The following TAX1BP1 variants were observed in gnomAD, a reference collection of about 807,000 sequenced individuals.
TAX1BP1 encodes the protein Tax1 binding protein 1.
A neutral mutation model predicts 97.7 loss-of-function variants in TAX1BP1; 62 were observed. The ratio of observed to expected loss-of-function variants is 0.63; its 90% CI spans 0.52 to 0.78. The LOEUF is 0.78. TAX1BP1 is among the 30% of genes least tolerant of loss of function. TAX1BP1 has a pLI of 0.00. For synonymous variants in TAX1BP1, 340 were observed against 304.2 expected (o/e 1.12, Z -1.23); for missense variants, 867 against 916.1 (o/e 0.95, Z 0.69).
chr7:27,815,409 T>A (rs1790728698), intron 13 of TAX1BP1, among the ~76,000 whole-genome samples: 1 of 152,220 alleles, frequency 6.6e-6, no homozygotes, highest in South Asian at 2.1e-4. Context: ...TTTTCCCCTT[T>A]ATTAAAAGGT....
rs2299107 is a variant in TAX1BP1 at position 27,822,454 on chromosome 7, G to A, written c.2086-5284G>A. Among the ~76,000 whole-genome samples, 16 of 152,262 alleles carry A rather than the reference G, an allele frequency of 1.1e-4. No homozygotes were observed. In the East Asian group the frequency reaches 2.3e-3, roughly 22 times the overall value. On this transcript the variant is annotated intron_variant, in intron 15 of 16. Coordinates refer to ENST00000396319, the MANE Select transcript of TAX1BP1 (RefSeq NM_006024.7). ...ACCTAAACCTTTTGAAAAACTGCCCGATTGTTTTCCCCAGTGGCTGCATGA... is the reference window on the plus strand; with the variant it reads ...ACCTAAACCTTTTGAAAAACTGCCCAATTGTTTTCCCCAGTGGCTGCATGA...
At chr7:27,781,631 G>T (rs766253059) in intron 5 of TAX1BP1, among the ~76,000 whole-genome samples, 1 of 152,130 alleles carries the variant, frequency 6.6e-6, no homozygotes, top group Non-Finnish European at 1.5e-5. Flanking sequence ...AGTAGTGAGT[G>T]AATGTGAAGG....
Position 27,800,078 on chromosome 7 carries a change from G to C in TAX1BP1, c.1752G>C (p.Gln584His), listed in dbSNP as rs1403912616. The C allele has an allele frequency of 5.7e-6, 9 of 1,577,738 alleles. No homozygotes were observed. The highest frequency in any genetic ancestry group is 2.4e-5 in the South Asian group (2 of 83,748). The part of the protein sequence containing the change: ...ENVKLELAEV[Q>H]DNYKELKRSL... ...TAAAACTTGAACTAGCTGAAGTACA[G>C]GACAATTATAAAGTAAGTTTGGTAC... Residue 584 changes from glutamine to histidine, a missense_variant, in exon 13 of 17, where the codon CAG (glutamine) becomes CAC (histidine). Gln to His is a conservative substitution (Grantham distance 24). Transcript: ENST00000396319.
chr7:27,798,663 CAA>C (rs34078205), intron 12 of TAX1BP1, among the ~76,000 whole-genome samples: 14 of 72,256 alleles, frequency 1.9e-4, no homozygotes, highest in Admixed American at 3.3e-4. Context: ...GACTCTGTCT[CAA>C]AAAAAAAAAA....
chr7:27,814,373 G>T (rs1221858048), intron 13 of TAX1BP1, among the ~76,000 whole-genome samples: 3 of 151,852 alleles, frequency 2.0e-5, no homozygotes, highest in Admixed American at 2.0e-4. Flanking sequence ...GTGTTTCTGT[G>T]TACATTTTAG....
chr7:27,827,801 G>T lies in TAX1BP1; in HGVS notation c.2149G>T (p.Gly717Cys). 1 of 1,613,880 alleles carries T rather than the reference G, an allele frequency of 6.2e-7. No individual in the cohort carries two copies. The highest frequency in any genetic ancestry group is 8.5e-7 in the Non-Finnish European group (1 of 1,179,868). The change falls in exon 16 of 17, where the codon GGC (glycine) becomes TGC (cysteine). Residue 717 changes from glycine (G) to cysteine (C), a missense_variant. Around this residue, in one of 3 missense-constraint regions of TAX1BP1, gnomAD observed 822 missense variants for 851.4 expected, o/e 0.97. Coordinates refer to ENST00000396319, the MANE Select transcript of TAX1BP1 (RefSeq NM_006024.7). ...TCAACATTTACGTGGGCATGGGACA[G>T]GCTTTTGCTTTGATTCCAGGTAGTT... ...PSQHLRGHGT[G>C]FCFDSSFDVH...
At chr7:27,771,097 A>ATTTTTTTTTTTTTTTTTTTTTTT (rs57751582) in intron 5 of TAX1BP1, among the ~76,000 whole-genome samples, 1 of 40,570 alleles carries the variant, frequency 2.5e-5, no homozygotes, top group Non-Finnish European at 5.0e-5. Context: ...ACATTCAGCA[A>ATTTTTTTTTTTTTTTTTTTTTTT]TTTTTTTTTT....
Position 27,816,422 on chromosome 7 carries a change from T to A in TAX1BP1, c.1838T>A (p.Phe613Tyr), listed in dbSNP as rs751073831. 6.3e-7 allele frequency: 1 copy of A among 1,583,302 alleles called. No homozygotes were observed. ...CAGAATTCCCAGAGTCCTCAATGTTTCAAAACATGCTCAGAGCAAAATGGT... is the reference window on the plus strand; with the variant it reads ...CAGAATTCCCAGAGTCCTCAATGTTACAAAACATGCTCAGAGCAAAATGGT... ...EGQNSQSPQC[F>Y]KTCSEQNGYV... is the part of the protein sequence containing the mutation. Residue 613 changes from phenylalanine (F) to tyrosine (Y), a missense_variant, in exon 14 of 17, where the codon TTC becomes TAC. By Grantham distance (22) the Phe-to-Tyr change is conservative. Around this residue, in one of 3 missense-constraint regions of TAX1BP1, gnomAD observed 822 missense variants for 851.4 expected, o/e 0.97. Coordinates refer to ENST00000396319, the MANE Select transcript of TAX1BP1 (RefSeq NM_006024.7).
intron 15 of TAX1BP1, among the ~76,000 whole-genome samples, chr7:27,817,554 A>G (rs1264073227): frequency 6.6e-6 from 1 of 152,178 alleles, no homozygotes; most frequent in African/African-American, 2.4e-5. Flanking sequence ...GAGAAATACT[A>G]TTTGAGATGT....
chr7:27,828,583 C>A (rs574580283), intron 16 of TAX1BP1, 45 bp from the exon 17 acceptor site: 9 of 1,575,832 alleles, frequency 5.7e-6, no homozygotes, highest in South Asian at 1.1e-5. Flanking sequence ...AGTTGTTGTT[C>A]TACATTTATT....
chr7:27,816,451 GT>G lies in TAX1BP1; in HGVS notation c.1869del (p.Leu624SerfsTer65). ...FKTCSEQNGYVLTLSNAQPVL... is the reference protein window; with the variant it reads ...FKTCSEQNGYXLTLSNAQPVL... ...AACATGCTCAGAGCAAAATGGTTATGTTCTCACATTGTCAAATGCACAACCA... is the reference window on the plus strand; with the variant it reads ...AACATGCTCAGAGCAAAATGGTTATGTCTCACATTGTCAAATGCACAACCA... On this transcript the variant is annotated frameshift_variant, in exon 14 of 17. Transcript: ENST00000396319. LOFTEE classifies it high-confidence loss of function. The G allele has an allele frequency of 6.4e-7, 1 of 1,565,742 alleles. No individual in the cohort carries two copies. Among genetic ancestry groups the G allele is most frequent in the South Asian group, 1.2e-5 (1 of 81,080 alleles).
intron 13 of TAX1BP1, among the ~76,000 whole-genome samples, chr7:27,804,962 AATAAT>A (rs1790279782): frequency 1.3e-5 from 2 of 152,166 alleles, no homozygotes; most frequent in African/African-American, 4.8e-5. Context: ...ATATTTTACA[AATAAT>A]ACTGCAATGA....
intron 12 of TAX1BP1, among the ~76,000 whole-genome samples, chr7:27,796,792 C>T (rs181660513): frequency 6.6e-5 from 10 of 151,634 alleles, no homozygotes; most frequent in South Asian, 2.1e-4. Context: ...ACCCGGGAGG[C>T]GGAGGTTGCA....
At chr7:27,749,393 C>T (rs904384490) in intron 2 of TAX1BP1, among the ~76,000 whole-genome samples, 5 of 152,210 alleles carry the variant, frequency 3.3e-5, no homozygotes, top group African/African-American at 1.2e-4. Context: ...CAGTAAAACA[C>T]ATTCACTTTT....
intron 13 of TAX1BP1, 109 bp from the exon 14 acceptor site, chr7:27,816,240 A>G (rs1790764314): frequency 1.1e-6 from 1 of 925,990 alleles, no homozygotes; most frequent in Admixed American, 3.8e-5. Flanking sequence ...TTCCAACTTC[A>G]TAATAGGAAA....
chr7:27,814,086 G>C (rs1472160060), intron 13 of TAX1BP1, among the ~76,000 whole-genome samples: 1 of 148,740 alleles, frequency 6.7e-6, no homozygotes, highest in African/African-American at 2.5e-5. Context: ...GTGAGCCACC[G>C]CACTTGGCCT....
chr7:27,817,121 TG>T, intron 15 of TAX1BP1, 83 bp downstream of exon 15: 2 of 1,475,626 alleles, frequency 1.4e-6, no homozygotes, highest in Non-Finnish European at 1.8e-6. Flanking sequence ...TGTGCATATG[TG>T]TATCTTTGTG....
Position 27,771,302 on chromosome 7 carries a change from T to C in TAX1BP1, c.612+1468T>C, listed in dbSNP as rs535242920. On this transcript the variant is annotated intron_variant, in intron 5 of 16. Transcript: ENST00000396319. ...ACAAGCCAGAGGGATCAAGGTGAGA[T>C]AGATGACTCATGAAAAAGGCCCATT... Among the ~76,000 whole-genome samples the C allele has an allele frequency of 1.5e-4, 22 of 150,314 alleles. 1 individual carries two copies. The highest frequency in any genetic ancestry group is 2.5e-4 in the Non-Finnish European group (17 of 67,486).
In TAX1BP1 at chr7:27,761,777, G is replaced by A. The variant is rs563320246; in HGVS notation, c.265+3644G>A. Among the ~76,000 whole-genome samples, 21 of 152,270 alleles carry A rather than the reference G, an allele frequency of 1.4e-4. No homozygotes were observed. In the South Asian group the frequency reaches 4.1e-3, roughly 30 times the overall value. ...CGTTTTGGCACTTACAAATAATGCT[G>A]CAATAAACACTCTTGTGCAAGTTTT... On this transcript the variant is annotated intron_variant, in intron 3 of 16. Transcript: ENST00000396319.
Sources: gnomAD v4.1 joint callset for allele counts (sites outside exome capture counted in the v4.1 genomes callset) on GRCh38, gnomAD v4.1.1 for gene constraint, gnomAD v4.1.1 regional missense constraint, MANE v1.5 for transcripts, NCBI Gene and HGNC (gene_info 2026-07-23, HGNC 2026-07-21) for gene names.